PTPRB: variants seen among roughly 807,000 people sequenced by gnomAD.
PTPRB encodes the protein receptor-type tyrosine-protein phosphatase beta.
A neutral mutation model predicts 238.1 loss-of-function variants in PTPRB; 97 were observed. That is an observed-to-expected ratio of 0.41 (90% CI 0.35 to 0.48). PTPRB has a LOEUF of 0.48. Among genes scored for constraint, PTPRB ranks in the 20% least tolerant of loss-of-function variants. PTPRB has a pLI of 0.30. For missense variants in PTPRB, 2,292 were observed against 2,681.9 expected (o/e 0.85, Z 3.21); for synonymous variants, 970 against 995.4 (o/e 0.97, Z 0.48).
chr12:70,540,709 G>A (rs374257509), intron 23 of PTPRB, 149 bp downstream of exon 23: 1 of 641,682 alleles, frequency 1.6e-6, no homozygotes, highest in Admixed American at 2.9e-5. Flanking sequence ...CATGGCTTTA[G>A]AGTTTGACTT....
chr12:70,556,114 A>T lies in PTPRB; in HGVS notation c.4749T>A (p.Pro1583=). 7 of 1,613,768 alleles carry T rather than the reference A, an allele frequency of 4.3e-6. No individual in the cohort carries two copies. Among genetic ancestry groups the T allele is most frequent in the Non-Finnish European group, 5.1e-6 (6 of 1,179,720 alleles). The change falls in exon 19 of 34, where the codon CCT becomes CCA. Residue 1583 remains proline (P), a synonymous_variant. Coordinates refer to ENST00000334414, the MANE Select transcript of PTPRB (RefSeq NM_001109754.4). ...PDKIQNLHCR[P]QNSTAIACSW... is the part of the protein sequence containing the mutation. ...AACAGGCAATGGCCGTGGAGTTCTG[A>T]GGCCGGCAATGCAGGTTTTGTATCT...
intron 21 of PTPRB, among the ~76,000 whole-genome samples, chr12:70,545,050 G>A (rs1875758062): frequency 6.6e-6 from 1 of 152,208 alleles, no homozygotes; most frequent in Non-Finnish European, 1.5e-5. Context: ...TAAAGCATGT[G>A]GGACTGCTTC....
At chr12:70,534,149 A>G (rs1565907683) in intron 31 of PTPRB, among the ~76,000 whole-genome samples, 1 of 152,174 alleles carries the variant, frequency 6.6e-6, no homozygotes, top group Non-Finnish European at 1.5e-5. Context: ...GTTATTGGGA[A>G]CTTAGATTGA....
At chr12:70,567,857 C>T (rs73140156) in intron 14 of PTPRB, among the ~76,000 whole-genome samples, 35,221 of 151,986 alleles carry the variant, frequency 0.23, 4,777 homozygotes, top group African/African-American at 0.38. Context: ...TATACTTTTG[C>T]TTTTTATACT....
Position 70,562,873 on chromosome 12 carries a change from G to T in PTPRB, c.4139C>A (p.Ser1380Tyr). ...TCTACCAAATATGAAAGACTCATTAGACAGCTCCCCACTGTGAGTTACAAT... is the reference window on the plus strand; with the variant it reads ...TCTACCAAATATGAAAGACTCATTATACAGCTCCCCACTGTGAGTTACAAT... ...MVIVTHSGELSNESFIFGRTV... is the reference protein window; with the variant it reads ...MVIVTHSGELYNESFIFGRTV... Residue 1380 changes from serine to tyrosine, a missense_variant, in exon 16 of 34, where the codon TCT (serine) becomes TAT (tyrosine). Around this residue, in one of 4 missense-constraint regions of PTPRB, gnomAD observed 683 missense variants for 862.0 expected, o/e 0.79. Coordinates refer to ENST00000334414, the MANE Select transcript of PTPRB (RefSeq NM_001109754.4). The T allele has an allele frequency of 3.1e-6, 5 of 1,613,986 alleles. No individual in the cohort carries two copies. The highest frequency in any genetic ancestry group is 4.2e-6 in the Non-Finnish European group (5 of 1,179,872).
At chr12:70,633,054 T>C (rs1193846748) in intron 2 of PTPRB, among the ~76,000 whole-genome samples, 2 of 152,238 alleles carry the variant, frequency 1.3e-5, no homozygotes, top group African/African-American at 4.8e-5. Flanking sequence ...TTTACCTTCA[T>C]AGGTCTGCTT....
In PTPRB at chr12:70,592,270, C is replaced by T. The variant is rs752534083; in HGVS notation, c.1780+12G>A. 2 of 1,613,908 alleles carry T rather than the reference C, an allele frequency of 1.2e-6. No homozygotes were observed. The highest frequency in any genetic ancestry group is 2.2e-5 in the South Asian group (2 of 91,072). On this transcript the variant is annotated intron_variant, in intron 7 of 33. Coordinates refer to ENST00000334414, the MANE Select transcript of PTPRB (RefSeq NM_001109754.4). ...TGAGCAACCAAGGAACATTCTGGAG[C>T]CCAAGACTCACATGTTCTGCCCACT...
chr12:70,602,849 C>G (rs1883628755), intron 4 of PTPRB, among the ~76,000 whole-genome samples: 1 of 152,154 alleles, frequency 6.6e-6, no homozygotes, highest in Non-Finnish European at 1.5e-5. Context: ...TAGATATATA[C>G]TTACTGTGTT....
At chr12:70,626,359 CTATCTATA>C (rs1414756111) in intron 2 of PTPRB, among the ~76,000 whole-genome samples, 23 of 126,962 alleles carry the variant, frequency 1.8e-4, no homozygotes, top group Middle Eastern at 3.6e-3. Flanking sequence ...ATCTATCTAT[CTATCTATA>C]TTCCTGCCTG....
At chr12:70,626,301 A>T (rs976202928) in intron 2 of PTPRB, among the ~76,000 whole-genome samples, 1 of 25,072 alleles carries the variant, frequency 4.0e-5, no homozygotes, top group South Asian at 1.1e-3. Context: ...CCATCCATCT[A>T]TCTATCTATC....
chr12:70,615,459 T>C (rs1285400477), intron 3 of PTPRB, among the ~76,000 whole-genome samples: 2 of 152,210 alleles, frequency 1.3e-5, no homozygotes, highest in Admixed American at 6.5e-5. Context: ...GTATTCTTTT[T>C]TCCCACACCC....
intron 20 of PTPRB, among the ~76,000 whole-genome samples, chr12:70,553,355 C>G (rs1877188860): frequency 6.6e-6 from 1 of 152,184 alleles, no homozygotes; most frequent in Non-Finnish European, 1.5e-5. Flanking sequence ...AGTGAACCCA[C>G]TTGATAAACT....
chr12:70,544,340 A>G (rs1025349626), intron 22 of PTPRB, among the ~76,000 whole-genome samples: 13 of 152,246 alleles, frequency 8.5e-5, no homozygotes, highest in Non-Finnish European at 1.8e-4. Flanking sequence ...AGAAAAAAAT[A>G]CTGTACTTCC....
rs1017422851 is a variant in PTPRB, at chr12:70,516,066, A to G, written c.*5423T>C. 3.3e-5 allele frequency: 5 copies of G among 152,344 alleles called. No individual in the cohort carries two copies. The highest frequency in any genetic ancestry group is 1.2e-4 in the African/African-American group (5 of 41,592). The allele number at this position is 152,344 out of a possible 1,614,324, so 9.4% of individuals were successfully genotyped here. On this transcript the variant is annotated 3_prime_UTR_variant, in exon 34 of 34. Coordinates refer to ENST00000334414, the MANE Select transcript of PTPRB (RefSeq NM_001109754.4). ...GGTAGATGCTATAATATGAAAAAAT[A>G]GAATCATCTGCCATCTTAACTGGAT...
chr12:70,634,582 C>T (rs886107815), intron 2 of PTPRB, among the ~76,000 whole-genome samples: 1 of 152,144 alleles, frequency 6.6e-6, no homozygotes, highest in African/African-American at 2.4e-5. Context: ...GATGCATTAG[C>T]TACGGGAATG....
In PTPRB at chr12:70,622,480, C is replaced by G; in HGVS notation, c.618G>C (p.Glu206Asp). Residue 206 changes from glutamate to aspartate, a missense_variant, in exon 3 of 34, where the codon GAG (glutamate) becomes GAC (aspartate). By Grantham distance (45) the Glu-to-Asp change is conservative. Transcript: ENST00000334414. Reference protein sequence around the residue: ...AAENYSQNSSERQHPNLHMTG... With the variant: ...AAENYSQNSSDRQHPNLHMTG... ...TCATGTGCAGATTGGGATGCTGCCTCTCGCTGCTGTTTTGGCTGTAGTTTT... is the reference window on the plus strand; with the variant it reads ...TCATGTGCAGATTGGGATGCTGCCTGTCGCTGCTGTTTTGGCTGTAGTTTT... The G allele has an allele frequency of 6.2e-7, 1 of 1,613,480 alleles. No homozygotes were observed. The highest frequency in any genetic ancestry group is 8.5e-7 in the Non-Finnish European group (1 of 1,179,708).
At chr12:70,535,766 A>G (rs1358515752) in intron 29 of PTPRB, among the ~76,000 whole-genome samples, 2 of 152,100 alleles carry the variant, frequency 1.3e-5, no homozygotes, top group Non-Finnish European at 2.9e-5. Context: ...TGGCCAGGTA[A>G]TTTTTGGTGT....
chr12:70,601,904 C>T (rs1302048580), intron 4 of PTPRB, among the ~76,000 whole-genome samples: 3 of 150,780 alleles, frequency 2.0e-5, no homozygotes, highest in East Asian at 3.9e-4. Context: ...CATTCCCCTG[C>T]CTCAGCCTCC....
chr12:70,592,788 A>C (rs1882619739), intron 6 of PTPRB, among the ~76,000 whole-genome samples: 1 of 152,270 alleles, frequency 6.6e-6, no homozygotes, highest in East Asian at 1.9e-4. Flanking sequence ...TGGCAAGGCC[A>C]AAACCTTGGC....
Sources: allele counts gnomAD v4.1 joint callset (sites outside exome capture counted in the v4.1 genomes callset), GRCh38; gene constraint gnomAD v4.1.1; regional missense constraint gnomAD v4.1.1; transcripts MANE v1.5; gene names NCBI Gene and HGNC (gene_info 2026-07-23, HGNC 2026-07-21).